NUP35: variants seen among roughly 807,000 people sequenced by gnomAD.
NUP35 encodes the protein nucleoporin NUP35.
Under a neutral mutation model 41.5 loss-of-function variants are expected in NUP35, and 25 were observed. The ratio of observed to expected loss-of-function variants is 0.60; its 90% confidence interval spans 0.44 to 0.84. The LOEUF is 0.84. NUP35 is among the 40% of genes least tolerant of loss of function. The pLI is 0.00. For missense variants in NUP35, 396 were observed against 396.6 expected (o/e 1.00, Z 0.01); for synonymous variants, 149 against 130.7 (o/e 1.14, Z -0.96).
At chr2:183,146,857 A>G (rs1437205590) in intron 4 of NUP35, among the ~76,000 whole-genome samples, 1 of 152,136 alleles carries the variant, frequency 6.6e-6, no homozygotes, top group African/African-American at 2.4e-5. Flanking sequence ...TTGGCCTCCC[A>G]AAGTGCTAGG....
chr2:183,155,224 C>T (rs1685614477), intron 5 of NUP35, among the ~76,000 whole-genome samples: 1 of 152,146 alleles, frequency 6.6e-6, no homozygotes, highest in African/African-American at 2.4e-5. Context: ...AACACATGAG[C>T]TCCTTGAAGG....
At chr2:183,155,204 A>C (rs1360958629) in intron 5 of NUP35, among the ~76,000 whole-genome samples, 1 of 152,248 alleles carries the variant, frequency 6.6e-6, no homozygotes, top group Non-Finnish European at 1.5e-5. Context: ...GGATTAAAAA[A>C]CATAAAAATA....
At chr2:183,134,782 ATT>A (rs3030669) in intron 4 of NUP35, among the ~76,000 whole-genome samples, 4 of 138,674 alleles carry the variant, frequency 2.9e-5, no homozygotes, top group Non-Finnish European at 1.6e-5. Flanking sequence ...CGCCTGGCTA[ATT>A]TTTTTTTTTT....
In NUP35 at chr2:183,161,076, CAAA is replaced by C. The variant is rs1685860513; in HGVS notation, c.931_933del (p.Lys311del). On this transcript the variant is annotated inframe_deletion, in exon 9 of 9. Coordinates refer to ENST00000295119, the MANE Select transcript of NUP35 (RefSeq NM_138285.5). Reference sequence around the variant, plus strand: ...TAGGTTATTTCTGACAGACAAACGCCAAAAAAAGATGAAAGTCTTGTATCCAAA... The same window carrying C: ...TAGGTTATTTCTGACAGACAAACGCCAAAAGATGAAAGTCTTGTATCCAAA... 1 of 1,611,050 alleles carries C rather than the reference CAAA, an allele frequency of 6.2e-7. No homozygotes were observed. Among genetic ancestry groups the C allele is most frequent in the South Asian group, 1.1e-5 (1 of 90,770 alleles).
At chr2:183,130,283 G>C (rs1575114488) in intron 2 of NUP35, 135 bp from the exon 3 acceptor site, 1 of 866,636 alleles carries the variant, frequency 1.2e-6, no homozygotes, top group Non-Finnish European at 1.7e-6. Context: ...AGGTCCCCAG[G>C]TGACTGTTCA....
At chr2:183,138,269 A>ATATATATTTT in intron 4 of NUP35, among the ~76,000 whole-genome samples, 57 of 80,678 alleles carry the variant, frequency 7.1e-4, no homozygotes, top group African/African-American at 3.2e-3. Context: ...ATATATATAT[A>ATATATATTTT]TTTTTTTTTT....
chr2:183,133,076 A>G (rs1476680473), intron 3 of NUP35, among the ~76,000 whole-genome samples: 1 of 152,170 alleles, frequency 6.6e-6, no homozygotes, highest in Non-Finnish European at 1.5e-5. Context: ...AAAATGGATA[A>G]TTTACCAGTT....
chr2:183,159,442 A>T, intron 7 of NUP35, 46 bp from the exon 8 acceptor site: 1 of 1,422,026 alleles, frequency 7.0e-7, no homozygotes, highest in Non-Finnish European at 9.7e-7. Flanking sequence ...ACTGGATGAT[A>T]TGTATTATGT....
chr2:183,151,421 A>G, intron 4 of NUP35, 87 bp from the exon 5 acceptor site: 2 of 1,298,372 alleles, frequency 1.5e-6, no homozygotes, highest in Non-Finnish European at 2.1e-6. Context: ...ACTTTATTAG[A>G]CTTTATCATT....
chr2:183,158,327 A>G lies in NUP35; in HGVS notation c.654A>G (p.Lys218=), dbSNP rs755013849. ...GNWMHIRYQS[K]LQARKALSKD... ...GGATGCATATTCGTTATCAATCTAA[A>G]CTGCAGGCTCGGAAAGCCTTAAGCA... Residue 218 remains lysine, a synonymous_variant, in exon 7 of 9, where the codon AAA becomes AAG. Coordinates refer to ENST00000295119, the MANE Select transcript of NUP35 (RefSeq NM_138285.5). 165 of 1,608,668 alleles carry G rather than the reference A, an allele frequency of 1.0e-4. No individual in the cohort carries two copies. The highest frequency in any genetic ancestry group is 9.4e-5 in the Non-Finnish European group (111 of 1,176,554).
At chr2:183,160,010 TGCAGAAC>T (rs1685814445) in intron 8 of NUP35, 1 of 176,510 alleles carries the variant, frequency 5.7e-6, no homozygotes, top group African/African-American at 2.4e-5. Context: ...GTATCCAAAG[TGCAGAAC>T]CTTAGGTTGG....
In NUP35 at chr2:183,151,496, A is replaced by G. The variant is rs1575132707; in HGVS notation, c.398-12A>G. The G allele has an allele frequency of 2.5e-6, 4 of 1,611,062 alleles. No individual in the cohort carries two copies. The highest frequency in any genetic ancestry group is 3.4e-6 in the Non-Finnish European group (4 of 1,179,072). Reference sequence around the variant, plus strand: ...TACACTGGCAACTAACTTGCTAAATATACTAATATAGGGCAAAGTATGTTT... The same window carrying G: ...TACACTGGCAACTAACTTGCTAAATGTACTAATATAGGGCAAAGTATGTTT... On this transcript the variant is annotated splice_polypyrimidine_tract_variant and intron_variant, in intron 4 of 8. Transcript: ENST00000295119.
chr2:183,149,820 C>G (rs944919922), intron 4 of NUP35, among the ~76,000 whole-genome samples: 5 of 152,102 alleles, frequency 3.3e-5, no homozygotes, highest in African/African-American at 1.2e-4. Flanking sequence ...GTTAAATGGA[C>G]TAATTGGACC....
upstream of NUP35, chr2:183,123,955 C>A: frequency 2.6e-6 from 1 of 388,022 alleles, no homozygotes; most frequent in African/African-American, 2.2e-5. Flanking sequence ...CTACATAACA[C>A]AAAATTTAAA....
chr2:183,137,834 A>G (rs1684932906), intron 4 of NUP35, among the ~76,000 whole-genome samples: 1 of 152,062 alleles, frequency 6.6e-6, no homozygotes, highest in Non-Finnish European at 1.5e-5. Flanking sequence ...AATGTTTTAC[A>G]TTTTAGTGGC....
chr2:183,152,199 T>C (rs1347708044), intron 5 of NUP35, among the ~76,000 whole-genome samples: 1 of 51,158 alleles, frequency 2.0e-5, no homozygotes, highest in Non-Finnish European at 4.7e-5. Flanking sequence ...GTATTGAATA[T>C]TAATAGAAAC....
At position 183,158,265 on chromosome 2, in the gene NUP35, C is replaced by T; in HGVS notation, c.610-18C>T. On this transcript the variant is annotated intron_variant, in intron 6 of 8. Transcript: ENST00000295119. ...TTTATATATTTTCTATTTTAAGAGACAGTTTTATTCTTTGCAGATGTCTAA... is the reference window on the plus strand; with the variant it reads ...TTTATATATTTTCTATTTTAAGAGATAGTTTTATTCTTTGCAGATGTCTAA... 1 of 1,468,410 alleles carries T rather than the reference C, an allele frequency of 6.8e-7. No homozygotes were observed. The highest frequency in any genetic ancestry group is 1.4e-5 in the South Asian group (1 of 70,426). 91.0% of individuals were successfully genotyped at this position (1,468,410 alleles called of 1,614,324 possible). A position where few individuals can be genotyped will look rare whatever the true frequency, so the allele number is the denominator to read the frequency against.
intron 4 of NUP35, among the ~76,000 whole-genome samples, chr2:183,143,357 A>G (rs1685169669): frequency 6.6e-6 from 1 of 151,954 alleles, no homozygotes; most frequent in Admixed American, 6.6e-5. Flanking sequence ...TATTTGGAAT[A>G]AGTGTGTGCA....
At chr2:183,132,177 C>T (rs1312497425) in intron 3 of NUP35, among the ~76,000 whole-genome samples, 5 of 152,030 alleles carry the variant, frequency 3.3e-5, no homozygotes, top group Non-Finnish European at 2.9e-5. Flanking sequence ...TGTGGACCAC[C>T]ATGCCTGGCT....
Sources: gnomAD v4.1 joint callset for allele counts (sites outside exome capture counted in the v4.1 genomes callset) on GRCh38, gnomAD v4.1.1 for gene constraint, MANE v1.5 for transcripts, NCBI Gene and HGNC (gene_info 2026-07-23, HGNC 2026-07-21) for gene names.